The following MED12L variants were observed in gnomAD, a reference collection of about 807,000 sequenced individuals.
MED12L encodes the protein mediator of RNA polymerase II transcription subunit 12-like protein.
MED12L carries 60 observed loss-of-function variants against 281.3 expected under a neutral mutation model. The observed-to-expected ratio is 0.21, with a 90% CI of 0.17 to 0.26. The LOEUF is 0.26. MED12L is among the 10% of genes least tolerant of loss of function. MED12L has a pLI of 1.00. For synonymous variants in MED12L, 974 were observed against 987.2 expected (o/e 0.99, Z 0.25); for missense variants, 2,146 against 2,680.9 (o/e 0.80, Z 4.41).
intron 16 of MED12L, chr3:151,294,839 C>T: frequency 6.2e-7 from 1 of 1,614,036 alleles, no homozygotes; most frequent in South Asian, 1.1e-5. Flanking sequence ...GCGATCAATG[C>T]TTATCAGCCC....
chr3:151,238,787 G>C (rs551410032), intron 16 of MED12L, among the ~76,000 whole-genome samples: 1 of 152,138 alleles, frequency 6.6e-6, no homozygotes, highest in African/African-American at 2.4e-5. Flanking sequence ...AATATTTTGT[G>C]TGCCAAAATA....
intron 5 of MED12L, among the ~76,000 whole-genome samples, chr3:151,130,148 T>C (rs990619535): frequency 2.6e-5 from 4 of 152,190 alleles, no homozygotes; most frequent in African/African-American, 9.7e-5. Context: ...TGATGACATC[T>C]GAAGTGTCTG....
intron 16 of MED12L, among the ~76,000 whole-genome samples, chr3:151,347,517 A>G (rs150480135): frequency 2.6e-3 from 389 of 152,322 alleles, no homozygotes; most frequent in African/African-American, 8.7e-3. Flanking sequence ...GTTTTCAATA[A>G]ACTGGAGTGA....
chr3:151,408,903 C>G (rs1347130993), intron 39 of MED12L, among the ~76,000 whole-genome samples: 3 of 152,128 alleles, frequency 2.0e-5, no homozygotes, highest in Non-Finnish European at 4.4e-5. Flanking sequence ...GTAGTGCAGC[C>G]CTGTGGTTCC....
chr3:151,133,413 A>G (rs1286305328), intron 5 of MED12L, among the ~76,000 whole-genome samples: 1 of 152,216 alleles, frequency 6.6e-6, no homozygotes, highest in South Asian at 2.1e-4. Flanking sequence ...TACCCAGTAC[A>G]CTGTATACAC....
chr3:151,135,197 T>C (rs1230741159), intron 5 of MED12L, among the ~76,000 whole-genome samples: 1 of 152,066 alleles, frequency 6.6e-6, no homozygotes, highest in East Asian at 1.9e-4. Context: ...CTCTAATTTT[T>C]GTAGAGACGA....
Position 151,365,843 on chromosome 3 carries a change from TTTC to T in MED12L, c.3186-5_3186-3del. 1 of 1,604,538 alleles carries T rather than the reference TTTC, an allele frequency of 6.2e-7. No homozygotes were observed. The highest frequency in any genetic ancestry group is 1.1e-5 in the South Asian group (1 of 89,808). On this transcript the variant is annotated splice_polypyrimidine_tract_variant and splice_region_variant and intron_variant, in intron 22 of 44. Coordinates refer to ENST00000687756, the MANE Select transcript of MED12L (RefSeq NM_001393769.1). ...GTTACTTTCTGTGTCTTCTTTTTCT[TTTC>T]TAGGATTAACGACATAGCCAATTTC...
intron 16 of MED12L, among the ~76,000 whole-genome samples, chr3:151,249,899 G>T (rs77089281): frequency 0.056 from 8,542 of 152,160 alleles, 787 homozygotes; most frequent in African/African-American, 0.19. Flanking sequence ...AATTCATCCA[G>T]TTTAGGGCCT....
At chr3:151,300,120 G>A (rs932023278) in intron 16 of MED12L, 2 of 1,588,924 alleles carry the variant, frequency 1.3e-6, no homozygotes, top group African/African-American at 1.3e-5. Context: ...GTGATGCACT[G>A]TAAGCAAAGA....
chr3:151,173,216 T>C (rs536613603), intron 11 of MED12L, among the ~76,000 whole-genome samples: 1 of 152,306 alleles, frequency 6.6e-6, no homozygotes, highest in South Asian at 2.1e-4. Context: ...TAAAAAATCT[T>C]TTACTTTTTT....
intron 2 of MED12L, among the ~76,000 whole-genome samples, chr3:151,095,644 G>A (rs1158609663): frequency 6.6e-6 from 1 of 152,222 alleles, no homozygotes; most frequent in Non-Finnish European, 1.5e-5. Context: ...ACCACCGGGT[G>A]TAGTTATAGA....
At chr3:151,213,331 T>G in intron 16 of MED12L, 1 of 1,612,312 alleles carries the variant, frequency 6.2e-7, no homozygotes. Flanking sequence ...AAGTGTTGTA[T>G]TTCCTCTTTT....
intron 16 of MED12L, among the ~76,000 whole-genome samples, chr3:151,241,549 C>A (rs950918864): frequency 2.0e-5 from 3 of 152,002 alleles, no homozygotes; most frequent in Non-Finnish European, 4.4e-5. Context: ...AAATGCTAGT[C>A]TAGTCATTTT....
At position 151,376,959 on chromosome 3, in the gene MED12L, A is replaced by G. The variant is rs576339636; in HGVS notation, c.4129-32A>G. ...GATGTTTGAGGATAAAGGAATACAC[A>G]TATGTGCCAGTATTCTTATATCTAA... On this transcript the variant is annotated intron_variant, in intron 29 of 44. Coordinates refer to ENST00000687756, the MANE Select transcript of MED12L (RefSeq NM_001393769.1). 9.8e-5 allele frequency: 158 copies of G among 1,610,626 alleles called. 3 individuals are homozygous for G. The South Asian group carries it at 1.5e-3, about 15-fold the overall frequency.
chr3:151,242,125 G>A (rs563848049), intron 16 of MED12L, among the ~76,000 whole-genome samples: 15 of 152,262 alleles, frequency 9.9e-5, no homozygotes, highest in Admixed American at 7.2e-4. Flanking sequence ...AGGGTCCTAC[G>A]CCCATGGAGT....
intron 16 of MED12L, among the ~76,000 whole-genome samples, chr3:151,247,687 A>G (rs1430841118): frequency 6.8e-6 from 1 of 148,050 alleles, no homozygotes; most frequent in Non-Finnish European, 1.5e-5. Context: ...GGTGCAGTGC[A>G]CCAGCATGGC....
chr3:151,219,684 C>T (rs1265248804), intron 16 of MED12L: 1 of 152,122 alleles, frequency 6.6e-6, no homozygotes, highest in South Asian at 2.1e-4. Flanking sequence ...TAAGTGAGCA[C>T]CTGACTTTTT....
At chr3:151,193,765 T>G in intron 16 of MED12L, 99 bp downstream of exon 16, 1 of 1,074,902 alleles carries the variant, frequency 9.3e-7, no homozygotes, top group Non-Finnish European at 1.3e-6. Flanking sequence ...TGACTAATAA[T>G]GATAGCAGGT....
rs1739535383 is a variant in MED12L at position 151,264,835 on chromosome 3, A to C, written c.2250+71169A>C. On this transcript the variant is annotated intron_variant, in intron 16 of 44. Coordinates refer to ENST00000687756, the MANE Select transcript of MED12L (RefSeq NM_001393769.1). ...CATCCAGAGTTTGGTCATGGCCTGCATGGCTCTACATGACCAGCTGGCCCT... is the reference window on the plus strand; with the variant it reads ...CATCCAGAGTTTGGTCATGGCCTGCCTGGCTCTACATGACCAGCTGGCCCT... Among the ~76,000 whole-genome samples the C allele has an allele frequency of 2.0e-5, 3 of 152,156 alleles. No individual in the cohort carries two copies. The South Asian group carries it at 6.2e-4, about 32-fold the overall frequency.
Sources: allele counts gnomAD v4.1 joint callset (sites outside exome capture counted in the v4.1 genomes callset), GRCh38; gene constraint gnomAD v4.1.1; transcripts MANE v1.5; gene names NCBI Gene and HGNC (gene_info 2026-07-23, HGNC 2026-07-21).